PTPRK: variants seen among roughly 807,000 people sequenced by gnomAD.
PTPRK encodes the protein protein tyrosine phosphatase receptor type K.
Under a neutral mutation model 178.0 loss-of-function variants are expected in PTPRK, and 75 were observed. That is an observed-to-expected ratio of 0.42 (90% CI 0.35 to 0.51). PTPRK has a LOEUF of 0.51. Among genes scored for constraint, PTPRK ranks in the 20% least tolerant of loss-of-function variants. PTPRK has a pLI of 0.02. For missense variants in PTPRK, 1,441 were observed against 1,797.8 expected (o/e 0.80, Z 3.59); for synonymous variants, 637 against 620.6 (o/e 1.03, Z -0.39).
At chr6:128,436,426 A>G (rs143876462) in intron 1 of PTPRK, among the ~76,000 whole-genome samples, 87 of 152,336 alleles carry the variant, frequency 5.7e-4, no homozygotes, top group African/African-American at 1.9e-3. Flanking sequence ...AATTTTTGAC[A>G]TTGTCGCTTA....
chr6:128,510,093 T>C lies in PTPRK; in HGVS notation c.100+10166A>G, dbSNP rs528209238. ...TTATTTATGATAATAGACAAAAGTG[T>C]ACGAAAACAAGCCTCCAGTGACAAA... On this transcript the variant is annotated intron_variant, in intron 1 of 29. Coordinates refer to ENST00000368226, the MANE Select transcript of PTPRK (RefSeq NM_002844.4). 2.3e-4 allele frequency among the ~76,000 whole-genome samples: 35 copies of C among 152,240 alleles called. No individual in the cohort carries two copies. The South Asian group carries it at 5.4e-3, about 23-fold the overall frequency.
At chr6:128,391,049 A>C (rs1367028879) in intron 2 of PTPRK, among the ~76,000 whole-genome samples, 2 of 152,126 alleles carry the variant, frequency 1.3e-5, no homozygotes, top group Non-Finnish European at 2.9e-5. Context: ...AGGGGATTAT[A>C]AAACAGATAA....
At chr6:128,132,936 C>T (rs1426425248) in intron 7 of PTPRK, among the ~76,000 whole-genome samples, 1 of 152,142 alleles carries the variant, frequency 6.6e-6, no homozygotes, top group Non-Finnish European at 1.5e-5. Flanking sequence ...GAACAACTTT[C>T]TACAGAAAGT....
At chr6:128,039,633 C>G (rs968849907) in intron 13 of PTPRK, among the ~76,000 whole-genome samples, 1 of 152,062 alleles carries the variant, frequency 6.6e-6, no homozygotes, top group Non-Finnish European at 1.5e-5. Flanking sequence ...ATATTCTACC[C>G]AAATGAAAAG....
intron 1 of PTPRK, among the ~76,000 whole-genome samples, chr6:128,411,436 A>C (rs1435227151): frequency 1.3e-5 from 2 of 152,330 alleles, no homozygotes; most frequent in South Asian, 2.1e-4. Flanking sequence ...TCCCAGAGAG[A>C]AAGTAGGTGG....
chr6:128,077,958 A>G (rs1055367423), intron 11 of PTPRK, among the ~76,000 whole-genome samples: 1 of 152,014 alleles, frequency 6.6e-6, no homozygotes, highest in Non-Finnish European at 1.5e-5. Context: ...TTAAAAGGTC[A>G]AAAAGGCTTC....
intron 5 of PTPRK, among the ~76,000 whole-genome samples, chr6:128,225,084 GT>G (rs1811053269): frequency 6.6e-6 from 1 of 152,128 alleles, no homozygotes; most frequent in Admixed American, 6.5e-5. Context: ...TCTTTTCAAA[GT>G]TTGAGGAATA....
At chr6:128,231,843 C>G (rs971491636) in intron 5 of PTPRK, among the ~76,000 whole-genome samples, 10 of 152,234 alleles carry the variant, frequency 6.6e-5, no homozygotes, top group Admixed American at 5.9e-4. Flanking sequence ...AGAAAATGTA[C>G]AAAGCTGTCT....
intron 1 of PTPRK, among the ~76,000 whole-genome samples, chr6:128,498,278 G>A (rs1267774706): frequency 6.6e-5 from 10 of 152,150 alleles, no homozygotes; most frequent in Admixed American, 1.3e-4. Flanking sequence ...GGACTTTTCA[G>A]GCTTGCCCCT....
chr6:128,368,572 C>T (rs557078535), intron 2 of PTPRK, among the ~76,000 whole-genome samples: 104 of 152,120 alleles, frequency 6.8e-4, no homozygotes, highest in South Asian at 3.5e-3. Context: ...AAAATAAATG[C>T]TACTAACTCA....
At chr6:128,273,841 T>C (rs567799715) in intron 3 of PTPRK, among the ~76,000 whole-genome samples, 22 of 152,296 alleles carry the variant, frequency 1.4e-4, no homozygotes, top group African/African-American at 4.3e-4. Flanking sequence ...GTATGAATTT[T>C]ACATGCTTTC....
At chr6:128,447,585 G>A (rs1847191740) in intron 1 of PTPRK, among the ~76,000 whole-genome samples, 1 of 151,514 alleles carries the variant, frequency 6.6e-6, no homozygotes, top group Admixed American at 6.6e-5. Flanking sequence ...AAAGTAGCGG[G>A]AAAGCTGTGG....
intron 3 of PTPRK, among the ~76,000 whole-genome samples, chr6:128,287,790 C>T (rs1244805643): frequency 6.6e-6 from 1 of 152,176 alleles, no homozygotes; most frequent in South Asian, 2.1e-4. Context: ...TTTCCTGGAT[C>T]TCATTCCGTC....
At chr6:128,071,585 C>T (rs989809010) in intron 11 of PTPRK, among the ~76,000 whole-genome samples, 1 of 151,976 alleles carries the variant, frequency 6.6e-6, no homozygotes, top group Non-Finnish European at 1.5e-5. Context: ...CCTCAAAATT[C>T]TCTAGTGGCA....
intron 7 of PTPRK, among the ~76,000 whole-genome samples, chr6:128,133,745 G>C (rs1794604746): frequency 6.6e-6 from 1 of 150,908 alleles, no homozygotes; most frequent in Non-Finnish European, 1.5e-5. Context: ...CTGAGACAGG[G>C]TCTCGCTATG....
At position 128,269,403 on chromosome 6, in the gene PTPRK, A is replaced by G. The variant is rs573591288; in HGVS notation, c.496-26801T>C. On this transcript the variant is annotated intron_variant, in intron 3 of 29. Coordinates refer to ENST00000368226, the MANE Select transcript of PTPRK (RefSeq NM_002844.4). ...GTAACAAGAGGACATCATATGGTCT[A>G]TGACAGAGATAGCTACATAAATCTG... is the stretch of plus-strand genomic sequence containing the variant. Among the ~76,000 whole-genome samples the G allele has an allele frequency of 3.9e-5, 6 of 152,152 alleles. No individual in the cohort carries two copies. In the East Asian group the frequency reaches 9.7e-4, roughly 25 times the overall value.
intron 1 of PTPRK, among the ~76,000 whole-genome samples, chr6:128,473,404 A>ATTTTTTTTTTTTTTTTTTTTTTTTT: frequency 1.1e-5 from 1 of 90,872 alleles, no homozygotes; most frequent in Non-Finnish European, 2.1e-5. Context: ...TATGGTTACT[A>ATTTTTTTTTTTTTTTTTTTTTTTTT]TTTTTTTTTT....
chr6:128,305,386 G>A (rs1004693467), intron 3 of PTPRK, among the ~76,000 whole-genome samples: 1 of 152,038 alleles, frequency 6.6e-6, no homozygotes, highest in Non-Finnish European at 1.5e-5. Context: ...AACATATCAG[G>A]CTTGAATAGT....
chr6:128,426,314 G>T (rs1050327254), intron 1 of PTPRK, among the ~76,000 whole-genome samples: 3 of 152,064 alleles, frequency 2.0e-5, no homozygotes, highest in Non-Finnish European at 4.4e-5. Context: ...TCCCCTTGAG[G>T]TCTCTAGCTG....
Sources: gnomAD v4.1 joint callset for allele counts (sites outside exome capture counted in the v4.1 genomes callset) on GRCh38, gnomAD v4.1.1 for gene constraint, MANE v1.5 for transcripts, NCBI Gene and HGNC (gene_info 2026-07-23, HGNC 2026-07-21) for gene names.